Variants in NCOR1 observed in about 807,000 individuals in gnomAD.
NCOR1 encodes the protein nuclear receptor corepressor 1.
Under a neutral mutation model 288.1 loss-of-function variants are expected in NCOR1, and 63 were observed. The ratio of observed to expected loss-of-function variants is 0.22; its 90% CI spans 0.18 to 0.27. NCOR1 has a LOEUF of 0.27. NCOR1 is among the 10% of genes least tolerant of loss of function. The pLI, the probability that NCOR1 is intolerant of heterozygous loss-of-function variation, is 1.00. For missense variants in NCOR1, 2,397 were observed against 3,019.2 expected (o/e 0.79, Z 4.83); for synonymous variants, 1,007 against 1,065.9 (o/e 0.94, Z 1.08).
At chr17:16,211,752 A>G (rs1249704358) in intron 1 of NCOR1, among the ~76,000 whole-genome samples, 1 of 152,114 alleles carries the variant, frequency 6.6e-6, no homozygotes, top group Non-Finnish European at 1.5e-5. Flanking sequence ...CTGGGGTAGG[A>G]AAAAAATGGT....
intron 45 of NCOR1, among the ~76,000 whole-genome samples, chr17:16,033,267 G>A (rs1053903466): frequency 3.3e-5 from 5 of 149,638 alleles, no homozygotes; most frequent in Admixed American, 2.7e-4. Flanking sequence ...CCCAGGAGGC[G>A]GAGGTTGCTG....
intron 5 of NCOR1, among the ~76,000 whole-genome samples, chr17:16,160,609 G>A (rs975781071): frequency 3.9e-5 from 6 of 152,146 alleles, no homozygotes; most frequent in African/African-American, 1.4e-4. Context: ...TAGCCAACAT[G>A]GTGAAATTCC....
At chr17:16,182,018 CA>C (rs911541684) in intron 3 of NCOR1, among the ~76,000 whole-genome samples, 15 of 150,456 alleles carry the variant, frequency 1.0e-4, no homozygotes, top group African/African-American at 1.9e-4. Context: ...GCTGAAAGAT[CA>C]AAAAAAATAA....
chr17:16,197,158 A>G (rs1403966974), intron 1 of NCOR1, among the ~76,000 whole-genome samples: 1 of 152,016 alleles, frequency 6.6e-6, no homozygotes, highest in East Asian at 1.9e-4. Context: ...GGTCTCTACT[A>G]AAGATACAAA....
Position 16,183,578 on chromosome 17 carries a change from TA to T in NCOR1, c.242+2975del, listed in dbSNP as rs1288483100. ...ATATTGAAAACTATAAAACACTGAT[TA>T]AAAAACTGAAGACACAAATAAATGA... On this transcript the variant is annotated intron_variant, in intron 3 of 45. Transcript: ENST00000268712. Among the ~76,000 whole-genome samples, 14 of 152,144 alleles carry T rather than the reference TA, an allele frequency of 9.2e-5. No individual in the cohort carries two copies. The Middle Eastern group carries it at 0.01, about 111-fold the overall frequency.
chr17:16,144,684 C>T (rs535950261), intron 10 of NCOR1, among the ~76,000 whole-genome samples: 6 of 152,264 alleles, frequency 3.9e-5, no homozygotes, highest in Middle Eastern at 3.4e-3. Context: ...AAACTTTCTT[C>T]ATGATCAGTT....
chr17:16,086,529 A>T, intron 22 of NCOR1, 87 bp from the exon 23 acceptor site: 1 of 1,188,752 alleles, frequency 8.4e-7, no homozygotes, highest in Non-Finnish European at 1.2e-6. Context: ...CTGAATTTTT[A>T]AATCACTAAT....
At chr17:16,143,479 T>G (rs1284516164) in intron 11 of NCOR1, 127 bp downstream of exon 11, 13 of 666,338 alleles carry the variant, frequency 2.0e-5, no homozygotes, top group Non-Finnish European at 3.0e-5. Flanking sequence ...CACTCAAATC[T>G]TTGACAGTCT....
At chr17:16,115,662 C>T (rs943606561) in intron 18 of NCOR1, among the ~76,000 whole-genome samples, 17 of 152,194 alleles carry the variant, frequency 1.1e-4, no homozygotes, top group African/African-American at 4.1e-4. Context: ...GAAGACTCAC[C>T]TTTGCTCCAA....
At chr17:16,171,252 G>A (rs979096531) in intron 4 of NCOR1, among the ~76,000 whole-genome samples, 6 of 151,768 alleles carry the variant, frequency 4.0e-5, no homozygotes, top group African/African-American at 1.5e-4. Context: ...ACTGGGGGAG[G>A]GTCGTTATCT....
Position 16,070,333 on chromosome 17 carries a change from T to C in NCOR1, c.4345A>G (p.Thr1449Ala), listed in dbSNP as rs746165643. ...KAGETVRSRH[T>A]SVVSSGPSVL... ...GAGGGGCCAGAGCTTACCACTGACG[T>C]GTGCCGGGAACGCACGGTCTCGCCT... Residue 1449 changes from threonine to alanine, a missense_variant, in exon 31 of 46, where the codon ACG (threonine) becomes GCG (alanine). By Grantham distance (58) the Thr-to-Ala change is moderately conservative. Coordinates refer to ENST00000268712, the MANE Select transcript of NCOR1 (RefSeq NM_006311.4). The C allele has an allele frequency of 2.4e-5, 39 of 1,614,192 alleles. No individual in the cohort carries two copies. Among genetic ancestry groups the C allele is most frequent in the Non-Finnish European group, 3.0e-5 (35 of 1,180,032 alleles).
rs1598854218 is a variant in NCOR1, at chr17:16,116,309, T to C, written c.2055+1579A>G. Among the ~76,000 whole-genome samples, 3 of 152,248 alleles carry C rather than the reference T, an allele frequency of 2.0e-5. No individual in the cohort carries two copies. The South Asian group carries it at 6.2e-4, about 32-fold the overall frequency. The stretch of plus-strand genomic sequence containing the variant: ...CATTATAACATCATGAAATGGCCAT[T>C]TGGAAAGTAGAGTTAAAGCAAGTTT... On this transcript the variant is annotated intron_variant, in intron 18 of 45. Transcript: ENST00000268712.
intron 40 of NCOR1, among the ~76,000 whole-genome samples, chr17:16,050,566 C>T (rs2059191025): frequency 6.6e-6 from 1 of 152,156 alleles, no homozygotes; most frequent in African/African-American, 2.4e-5. Context: ...ATGAAAGCCA[C>T]CTGTGACTTT....
At chr17:16,049,168 C>A (rs900852958) in intron 40 of NCOR1, 180 bp from the exon 41 acceptor site, 93 of 428,802 alleles carry the variant, frequency 2.2e-4, no homozygotes, top group Middle Eastern at 6.1e-4. Flanking sequence ...CAAACAACAA[C>A]AAAAAAAACC....
Position 16,135,170 on chromosome 17 carries a change from A to C in NCOR1, c.1509+2141T>G, listed in dbSNP as rs529878146. Reference sequence around the variant, plus strand: ...CGAGACTCCATCTCAAAAAAAAAAAAAAAAAAAAAAAACTGTAGCTGAAAC... The same window carrying C: ...CGAGACTCCATCTCAAAAAAAAAAACAAAAAAAAAAAACTGTAGCTGAAAC... On this transcript the variant is annotated intron_variant, in intron 14 of 45. Transcript: ENST00000268712. Among the ~76,000 whole-genome samples, 66 of 151,692 alleles carry C rather than the reference A, an allele frequency of 4.4e-4. No individual in the cohort carries two copies. The South Asian group carries it at 0.013, about 29-fold the overall frequency.
At chr17:16,181,229 G>T (rs1160908746) in intron 3 of NCOR1, among the ~76,000 whole-genome samples, 1 of 150,828 alleles carries the variant, frequency 6.6e-6, no homozygotes, top group Non-Finnish European at 1.5e-5. Context: ...GTGTGTGTGT[G>T]TGTGTGTGTG....
chr17:16,173,078 G>C (rs562919722), intron 3 of NCOR1, among the ~76,000 whole-genome samples: 1 of 151,992 alleles, frequency 6.6e-6, no homozygotes, highest in Non-Finnish European at 1.5e-5. Flanking sequence ...TTACAGGCGC[G>C]AGCCACCATG....
At chr17:16,206,986 T>C (rs1446183056) in intron 1 of NCOR1, among the ~76,000 whole-genome samples, 2 of 152,160 alleles carry the variant, frequency 1.3e-5, no homozygotes, top group Non-Finnish European at 2.9e-5. Flanking sequence ...TCATGCATTA[T>C]AATGATTTTG....
Position 16,127,552 on chromosome 17 carries a change from CAT to C in NCOR1, c.1510-1348_1510-1347del, listed in dbSNP as rs530112604. On this transcript the variant is annotated intron_variant, in intron 14 of 45. Transcript: ENST00000268712. ...GTATATATCTGCATGTATATATACA[CAT>C]GTGTATATATGTATGTATATATACA... 3.2e-3 allele frequency among the ~76,000 whole-genome samples: 380 copies of C among 120,614 alleles called. 14 individuals carry two copies. Among genetic ancestry groups the C allele is most frequent in the Non-Finnish European group, 4.4e-3 (267 of 60,942 alleles). 79.1% of individuals were successfully genotyped at this position (120,614 alleles called of 152,430 possible). A position where few individuals can be genotyped will look rare whatever the true frequency, so the allele number is the denominator to read the frequency against.
Sources: allele counts gnomAD v4.1 joint callset (sites outside exome capture counted in the v4.1 genomes callset), GRCh38; gene constraint gnomAD v4.1.1; transcripts MANE v1.5; gene names NCBI Gene and HGNC (gene_info 2026-07-23, HGNC 2026-07-21).